Variants in KDM4C observed in about 807,000 individuals in gnomAD.
KDM4C encodes lysine-specific demethylase 4C.
KDM4C carries 81 observed loss-of-function variants against 129.3 expected under a neutral mutation model. That is an observed-to-expected ratio of 0.63 (90% confidence interval 0.52 to 0.75). The LOEUF (loss-of-function observed/expected upper bound fraction) is 0.75, where lower values mean the gene tolerates loss of function less well. Ranked by LOEUF, KDM4C falls within the 30% of genes least tolerant of loss-of-function variation. KDM4C has a pLI of 0.00. For synonymous variants in KDM4C, 573 were observed against 456.1 expected, an observed-to-expected ratio of 1.26 and a Z score of -3.26; for missense variants, 1,457 against 1,304.0, an observed-to-expected ratio of 1.12 and a Z score of -1.81.
At chr9:7,166,230 A>G (rs113046114) in intron 20 of KDM4C, among the ~76,000 whole-genome samples, 65 of 152,236 alleles carry the variant, frequency 4.3e-4, no homozygotes, top group Non-Finnish European at 1.6e-4. Flanking sequence ...TGAGAATGAT[A>G]AGACTGTCAG....
At chr9:6,800,416 G>A (rs1000820747) in intron 2 of KDM4C, among the ~76,000 whole-genome samples, 1 of 151,932 alleles carries the variant, frequency 6.6e-6, no homozygotes, top group Non-Finnish European at 1.5e-5. Flanking sequence ...GCATGTGCCT[G>A]TAGTCCTAGC....
At chr9:6,893,052 A>C in intron 7 of KDM4C, 43 bp from the exon 8 acceptor site, 1 of 1,357,614 alleles carries the variant, frequency 7.4e-7, no homozygotes, top group Non-Finnish European at 9.7e-7. Context: ...ATAATTTAGG[A>C]AGTCTTATTT....
intron 8 of KDM4C, among the ~76,000 whole-genome samples, chr9:6,929,662 A>G (rs930938405): frequency 1.3e-5 from 2 of 151,988 alleles, no homozygotes; most frequent in Admixed American, 6.6e-5. Flanking sequence ...ACTGAAACTC[A>G]TGAATTGTCT....
chr9:6,762,848 G>C (rs1312659814), intron 1 of KDM4C, among the ~76,000 whole-genome samples: 1 of 151,804 alleles, frequency 6.6e-6, no homozygotes, highest in Non-Finnish European at 1.5e-5. Context: ...TAGTAGAGAT[G>C]AGGTTTCACC....
chr9:6,829,884 A>G (rs1391319075), intron 4 of KDM4C, among the ~76,000 whole-genome samples: 1 of 152,188 alleles, frequency 6.6e-6, no homozygotes, highest in African/African-American at 2.4e-5. Flanking sequence ...TATAAAGATA[A>G]TCTAGATTTC....
chr9:7,110,082 T>C (rs1838149524), intron 18 of KDM4C, among the ~76,000 whole-genome samples: 1 of 152,224 alleles, frequency 6.6e-6, no homozygotes, highest in South Asian at 2.1e-4. Context: ...CAGGCGGTTC[T>C]TTATAGCAGC....
At chr9:6,902,917 A>G (rs1817649650) in intron 8 of KDM4C, among the ~76,000 whole-genome samples, 1 of 152,182 alleles carries the variant, frequency 6.6e-6, no homozygotes, top group African/African-American at 2.4e-5. Flanking sequence ...AGGAATTTGA[A>G]GGAGCTGTTG....
chr9:6,822,280 T>C (rs1833165872), intron 4 of KDM4C, among the ~76,000 whole-genome samples: 1 of 152,230 alleles, frequency 6.6e-6, no homozygotes, highest in South Asian at 2.1e-4. Flanking sequence ...GCCTAATATA[T>C]TTACTGTTTC....
chr9:6,819,632 C>G (rs1162643862), intron 4 of KDM4C, among the ~76,000 whole-genome samples: 1 of 152,110 alleles, frequency 6.6e-6, no homozygotes, highest in Non-Finnish European at 1.5e-5. Context: ...CAATCACACT[C>G]AAGACACCTA....
At position 6,996,296 on chromosome 9, in the gene KDM4C, C is replaced by A. The variant is rs144329812; in HGVS notation, c.1786+5772C>A. ...GAAGTGACGTTGGGCTAATAATCAT[C>A]CTGCATTGACATCAGTATCTGAACA... On this transcript the variant is annotated intron_variant, in intron 12 of 21. Coordinates refer to ENST00000381309, the MANE Select transcript of KDM4C (RefSeq NM_015061.6). Among the ~76,000 whole-genome samples the A allele has an allele frequency of 4.2e-3, 635 of 152,334 alleles. 7 individuals carry two copies. The highest frequency in any genetic ancestry group is 0.014 in the African/African-American group (602 of 41,574).
chr9:6,870,174 A>G (rs1436730397), intron 5 of KDM4C, among the ~76,000 whole-genome samples: 2 of 152,132 alleles, frequency 1.3e-5, no homozygotes, highest in African/African-American at 4.8e-5. Flanking sequence ...TCCCCCCTGA[A>G]AAAAACAACC....
At chr9:6,971,389 T>C (rs1419254055) in intron 8 of KDM4C, among the ~76,000 whole-genome samples, 2 of 152,212 alleles carry the variant, frequency 1.3e-5, no homozygotes, top group Non-Finnish European at 2.9e-5. Context: ...ATGTAGATCA[T>C]TAAAACTGCA....
intron 8 of KDM4C, among the ~76,000 whole-genome samples, chr9:6,915,911 G>A (rs1389118362): frequency 6.6e-6 from 1 of 152,174 alleles, no homozygotes; most frequent in African/African-American, 2.4e-5. Context: ...TCCAGCACTT[G>A]AATTAATGAC....
rs986010096 is a variant in KDM4C, at chr9:6,798,267, TTTTA to T, written c.144+5138_144+5141del. ...TTTTTTCTTTCTTTCTTTTTTTTTT[TTTTA>T]TTGATCATTCTTGGATGTTTCTCGC... On this transcript the variant is annotated intron_variant, in intron 2 of 21. Transcript: ENST00000381309. Among the ~76,000 whole-genome samples, 95 of 152,034 alleles carry T rather than the reference TTTTA, an allele frequency of 6.2e-4. 2 individuals are homozygous for T. The South Asian group carries it at 0.018, about 29-fold the overall frequency.
intron 5 of KDM4C, among the ~76,000 whole-genome samples, chr9:6,865,787 G>A (rs1324928611): frequency 6.6e-6 from 1 of 150,762 alleles, no homozygotes; most frequent in Non-Finnish European, 1.5e-5. Context: ...GTCTCGCTCT[G>A]TCGCCCAGGC....
intron 6 of KDM4C, among the ~76,000 whole-genome samples, chr9:6,880,977 G>C (rs1256265103): frequency 6.6e-6 from 1 of 152,184 alleles, no homozygotes; most frequent in African/African-American, 2.4e-5. Flanking sequence ...GACAACTGAG[G>C]AGCAAGGCCT....
chr9:6,860,006 G>A (rs1461126914), intron 5 of KDM4C, among the ~76,000 whole-genome samples: 1 of 152,146 alleles, frequency 6.6e-6, no homozygotes. Context: ...AAAGATGAAG[G>A]AGTAGGCAAG....
chr9:6,813,770 T>C (rs910703546), intron 3 of KDM4C, among the ~76,000 whole-genome samples: 4 of 152,202 alleles, frequency 2.6e-5, no homozygotes, highest in Non-Finnish European at 5.9e-5. Context: ...TGTACATTTC[T>C]TTCTAATGAC....
At chr9:7,105,761 C>G (rs919742588) in intron 18 of KDM4C, among the ~76,000 whole-genome samples, 1 of 152,108 alleles carries the variant, frequency 6.6e-6, no homozygotes, top group African/African-American at 2.4e-5. Context: ...ATTGAAGTTG[C>G]TATTAAAGAG....
Sources: gnomAD v4.1 joint callset for allele counts (sites outside exome capture counted in the v4.1 genomes callset) on GRCh38, gnomAD v4.1.1 for gene constraint, MANE v1.5 for transcripts, NCBI Gene and HGNC (gene_info 2026-07-23, HGNC 2026-07-21) for gene names.